CHERP: variants seen among roughly 807,000 people sequenced by gnomAD.
CHERP encodes ERPROT 213-21.
A neutral mutation model predicts 113.8 loss-of-function variants in CHERP; 8 were observed. The ratio of observed to expected loss-of-function variants is 0.07; its 90% CI spans 0.04 to 0.13. The LOEUF is 0.13. Among genes scored for constraint, CHERP ranks in the 10% least tolerant of loss-of-function variants. CHERP has a pLI of 1.00. For synonymous variants in CHERP, 559 were observed against 524.5 expected (o/e 1.07, Z -0.90); for missense variants, 884 against 1,298.2 (o/e 0.68, Z 4.90).
rs367838702 is a variant in CHERP at position 16,532,560 on chromosome 19, A to C, written c.674+38T>G. On this transcript the variant is annotated intron_variant, in intron 5 of 16. Transcript: ENST00000546361. This position sits in a 1 kb window ranked among gnomAD's most constrained non-coding sequence, Gnocchi z 4.4. ...CCCAGGAGGGTTGAGGAGGAGCGCG[A>C]GGAAGTGGCGCTCTGGGCACGGGGT... 2 of 1,554,252 alleles carry C rather than the reference A, an allele frequency of 1.3e-6. No homozygotes were observed. The highest frequency in any genetic ancestry group is 1.7e-6 in the Non-Finnish European group (2 of 1,149,564).
At position 16,525,302 on chromosome 19, in the gene CHERP, G is replaced by A; in HGVS notation, c.1681C>T (p.Pro561Ser). 1 of 1,453,184 alleles carries A rather than the reference G, an allele frequency of 6.9e-7. No individual in the cohort carries two copies. Among genetic ancestry groups the A allele is most frequent in the Non-Finnish European group, 9.1e-7 (1 of 1,101,370 alleles). 90.0% of individuals were successfully genotyped at this position (1,453,184 alleles called of 1,614,324 possible). The change falls in exon 10 of 17, where the codon CCC becomes TCC. Residue 561 changes from proline to serine, a missense_variant. Coordinates refer to ENST00000546361, the MANE Select transcript of CHERP (RefSeq NM_006387.6). This position sits in a 1 kb window ranked among gnomAD's most constrained non-coding sequence, Gnocchi z 6.5. ...FMQDDFPPRH[P>S]FERPPYPHRF... ...TGGGGATAGGGCGGCCGCTCGAAGG[G>A]GTGCCGTGGCGGGAAGTCGTCCTGC...
In CHERP at chr19:16,529,677, G is replaced by A; in HGVS notation, c.1100C>T (p.Ala367Val). 6.4e-7 allele frequency: 1 copy of A among 1,558,144 alleles called. No homozygotes were observed. The highest frequency in any genetic ancestry group is 1.9e-4 in the Middle Eastern group (1 of 5,174). Residue 367 changes from alanine to valine, a missense_variant, in exon 8 of 17, where the codon GCC becomes GTC. Transcript: ENST00000546361. ...CTGGGTGGTGGGCGGGATGGCAGGG[G>A]CAGGTGCTGGGGCCGGGGGTGGAGC... is the stretch of plus-strand genomic sequence containing the variant. ...PPAPPPAPAP[A>V]PAIPPTTQPD...
intron 2 of CHERP, among the ~76,000 whole-genome samples, chr19:16,539,195 T>G (rs2085760789): frequency 6.7e-6 from 1 of 149,118 alleles, no homozygotes; most frequent in Non-Finnish European, 1.5e-5. Flanking sequence ...TCGCCCAGGC[T>G]GGAGTGCAGT....
Position 16,535,709 on chromosome 19 carries a change from A to T in CHERP, c.200-73T>A, listed in dbSNP as rs1040821356. The T allele has an allele frequency of 4.5e-5, 62 of 1,367,294 alleles. 1 individual carries two copies. In the South Asian group the frequency reaches 7.1e-4, roughly 16 times the overall value. 84.7% of individuals were successfully genotyped at this position (1,367,294 alleles called of 1,614,324 possible). A position where few individuals can be genotyped will look rare whatever the true frequency, so the allele number is the denominator to read the frequency against. ...CTAGGTGTCCCCTTGGCCACCTCTCAGCCACAGGGGCCTCCCCCTCCCCAG... is the reference window on the plus strand; with the variant it reads ...CTAGGTGTCCCCTTGGCCACCTCTCTGCCACAGGGGCCTCCCCCTCCCCAG... On this transcript the variant is annotated intron_variant, in intron 2 of 16. Transcript: ENST00000546361. The surrounding 1 kb of genome is among the most constrained non-coding windows in gnomAD (Gnocchi z 4.3).
intron 3 of CHERP, among the ~76,000 whole-genome samples, chr19:16,533,769 A>C (rs1384074822): frequency 6.8e-6 from 1 of 146,930 alleles, no homozygotes; most frequent in Non-Finnish European, 1.5e-5. Flanking sequence ...CTCTAACAAC[A>C]ACAAAACAAC....
intron 3 of CHERP, among the ~76,000 whole-genome samples, chr19:16,534,546 A>G (rs1440248771): frequency 7.2e-5 from 11 of 152,062 alleles, no homozygotes; most frequent in Admixed American, 7.2e-4. Flanking sequence ...GTGCAATCTC[A>G]GCTCATGCAA....
At chr19:16,541,823 G>C (rs775151458) in intron 2 of CHERP, 47 bp downstream of exon 2, 1 of 1,581,480 alleles carries the variant, frequency 6.3e-7, no homozygotes, top group Non-Finnish European at 8.6e-7. Flanking sequence ...TGGAATCCGA[G>C]AAAGGAAGCG....
At chr19:16,539,178 C>T (rs956227071) in intron 2 of CHERP, among the ~76,000 whole-genome samples, 10 of 144,738 alleles carry the variant, frequency 6.9e-5, no homozygotes, top group African/African-American at 1.8e-4. Flanking sequence ...GACGGAGTCT[C>T]GCTCTGTCGC....
In CHERP at chr19:16,525,249, G is replaced by T; in HGVS notation, c.1734C>A (p.Phe578Leu). 2 of 1,428,918 alleles carry T rather than the reference G, an allele frequency of 1.4e-6. No individual in the cohort carries two copies. The highest frequency in any genetic ancestry group is 1.8e-6 in the Non-Finnish European group (2 of 1,089,404). 88.5% of individuals were successfully genotyped at this position (1,428,918 alleles called of 1,614,324 possible). A position where few individuals can be genotyped will look rare whatever the true frequency, so the allele number is the denominator to read the frequency against. The change falls in exon 10 of 17, where the codon TTC becomes TTA. Residue 578 changes from phenylalanine to leucine, a missense_variant. Phe to Leu is a conservative substitution (Grantham distance 22). Transcript: ENST00000546361. This position sits in a 1 kb window ranked among gnomAD's most constrained non-coding sequence, Gnocchi z 6.5. Reference sequence around the variant, plus strand: ...AGGCGCCCGTACACTCACCGGCAGGGAAGTCCCCCTGGGGGTAGTCGAAGC... The same window carrying T: ...AGGCGCCCGTACACTCACCGGCAGGTAAGTCCCCCTGGGGGTAGTCGAAGC... ...PHRFDYPQGDFPAEMGPPHHH... is the reference protein window; with the variant it reads ...PHRFDYPQGDLPAEMGPPHHH...
At chr19:16,526,464 A>C (rs1470962376) in intron 9 of CHERP, among the ~76,000 whole-genome samples, 1 of 152,166 alleles carries the variant, frequency 6.6e-6, no homozygotes, top group South Asian at 2.1e-4. Context: ...ATCAGGAACT[A>C]CTTGTTTTTC....
At chr19:16,533,636 T>C (rs921305035) in intron 3 of CHERP, among the ~76,000 whole-genome samples, 5 of 152,064 alleles carry the variant, frequency 3.3e-5, no homozygotes, top group Non-Finnish European at 7.4e-5. Context: ...AGTGTGTGCC[T>C]GTGTTCCCAA....
At position 16,542,373 on chromosome 19, in the gene CHERP, C is replaced by T. The variant is rs200777660; in HGVS notation, c.6G>A (p.Glu2=). The change falls in exon 1 of 17, where the codon GAG becomes GAA. Residue 2 remains glutamate (E), a synonymous_variant. Transcript: ENST00000546361. ...TCTCACCATCGGGGGGCAGCGGCAT[C>T]TCCATGGCTCCGGCCGCGGGGAACG... M[E]MPLPPDDQEL... 7.3e-7 allele frequency: 1 copy of T among 1,374,740 alleles called. No homozygotes were observed. Among genetic ancestry groups the T allele is most frequent in the East Asian group, 2.8e-5 (1 of 35,744 alleles). The allele number at this position is 1,374,740 out of a possible 1,614,324, so 85.2% of individuals were successfully genotyped here. A position where few individuals can be genotyped will look rare whatever the true frequency, so the allele number is the denominator to read the frequency against.
Position 16,520,803 on chromosome 19 carries a change from A to G in CHERP, c.2201+23T>C. The G allele has an allele frequency of 6.2e-7, 1 of 1,610,438 alleles. No individual in the cohort carries two copies. The highest frequency in any genetic ancestry group is 8.5e-7 in the Non-Finnish European group (1 of 1,177,594). Reference sequence around the variant, plus strand: ...AGCTGTGGACCCTGGCCCCCCGGCCACTGCAGACATCTGCGCTTTTACCTG... The same window carrying G: ...AGCTGTGGACCCTGGCCCCCCGGCCGCTGCAGACATCTGCGCTTTTACCTG... On this transcript the variant is annotated intron_variant, in intron 13 of 16. Coordinates refer to ENST00000546361, the MANE Select transcript of CHERP (RefSeq NM_006387.6). The surrounding 1 kb of genome is among the most constrained non-coding windows in gnomAD (Gnocchi z 4.0).
At position 16,520,480 on chromosome 19, in the gene CHERP, G is replaced by C. The variant is rs764036184; in HGVS notation, c.2229C>G (p.Ser743=). The C allele has an allele frequency of 4.3e-6, 7 of 1,613,914 alleles. No individual in the cohort carries two copies. Among genetic ancestry groups the C allele is most frequent in the Admixed American group, 1.7e-5 (1 of 59,990 alleles). ...NSGPSRSRSR[S]KSRGRSSSRS... ...GGGAGGAAGAACGCCCTCGACTCTT[G>C]GATCTGCTCCGAGACCTCGAGGGTC... The change falls in exon 14 of 17, where the codon TCC becomes TCG. Residue 743 remains serine, a synonymous_variant. Transcript: ENST00000546361. This position sits in a 1 kb window ranked among gnomAD's most constrained non-coding sequence, Gnocchi z 4.0.
rs2085716073 is a variant in CHERP at position 16,532,854 on chromosome 19, T to C, written c.523-105A>G. 2 of 1,543,536 alleles carry C rather than the reference T, an allele frequency of 1.3e-6. No homozygotes were observed. The highest frequency in any genetic ancestry group is 1.4e-5 in the African/African-American group (1 of 73,550). On this transcript the variant is annotated intron_variant, in intron 4 of 16. Coordinates refer to ENST00000546361, the MANE Select transcript of CHERP (RefSeq NM_006387.6). The surrounding 1 kb of genome is among the most constrained non-coding windows in gnomAD (Gnocchi z 4.4). ...CATCAGCTCAGGGAAGGACACACCA[T>C]GAGCGTGGGGGGCACAGGGTCCCAC...
rs1482598513 is a variant in CHERP, at chr19:16,530,069, G to A, written c.877-169C>T. 1.3e-5 allele frequency among the ~76,000 whole-genome samples: 2 copies of A among 152,232 alleles called. No individual in the cohort carries two copies. The highest frequency in any genetic ancestry group is 2.4e-5 in the African/African-American group (1 of 41,464). On this transcript the variant is annotated intron_variant, in intron 7 of 16. Coordinates refer to ENST00000546361, the MANE Select transcript of CHERP (RefSeq NM_006387.6). This position sits in a 1 kb window ranked among gnomAD's most constrained non-coding sequence, Gnocchi z 4.1. The stretch of plus-strand genomic sequence containing the variant: ...CAGTCTGGGCAATCAGTGTGCGCTG[G>A]GATCTGGCCAGAGATTTGGGGATGA...
intron 3 of CHERP, among the ~76,000 whole-genome samples, chr19:16,533,697 T>A (rs1419553896): frequency 6.6e-6 from 1 of 151,898 alleles, no homozygotes; most frequent in African/African-American, 2.4e-5. Flanking sequence ...GAGTTCAAAG[T>A]TAAACAGTGA....
In CHERP at chr19:16,532,472, C is replaced by G. The variant is rs572658011; in HGVS notation, c.674+126G>C. 1.6e-6 allele frequency: 2 copies of G among 1,239,168 alleles called. No homozygotes were observed. Among genetic ancestry groups the G allele is most frequent in the East Asian group, 5.2e-5 (2 of 38,478 alleles). 76.8% of individuals were successfully genotyped at this position (1,239,168 alleles called of 1,614,324 possible). On this transcript the variant is annotated intron_variant, in intron 5 of 16. Transcript: ENST00000546361. This position sits in a 1 kb window ranked among gnomAD's most constrained non-coding sequence, Gnocchi z 4.4. ...ACAGAGACCCCCCACCCGGGGTCCC[C>G]GGACAAGTGCCCCCTAGTCTCGGGA...
intron 2 of CHERP, 181 bp downstream of exon 2, chr19:16,541,689 T>C (rs946747382): frequency 8.1e-6 from 5 of 613,812 alleles, no homozygotes; most frequent in Admixed American, 2.9e-5. Context: ...TCCATTACAG[T>C]GGCACCCAGC....
Sources: allele counts gnomAD v4.1 joint callset (sites outside exome capture counted in the v4.1 genomes callset), GRCh38; gene constraint gnomAD v4.1.1; non-coding constraint Gnocchi (gnomAD v3.1); transcripts MANE v1.5; gene names NCBI Gene and HGNC (gene_info 2026-07-23, HGNC 2026-07-21).